The following ATP6V1E1 variants were observed in gnomAD, a reference collection of about 807,000 sequenced individuals.
ATP6V1E1 encodes the protein ATPase H+ transporting V1 subunit E1.
ATP6V1E1 carries 21 observed loss-of-function variants against 35.2 expected under a neutral mutation model. That is an observed-to-expected ratio of 0.60 (90% CI 0.42 to 0.86). The LOEUF (loss-of-function observed/expected upper bound fraction) is 0.86. ATP6V1E1 is among the 40% of genes least tolerant of loss of function. The pLI, the probability that ATP6V1E1 is intolerant of heterozygous loss-of-function variation, is 0.00. For missense variants in ATP6V1E1, 183 were observed against 272.6 expected (o/e 0.67, Z 2.32); for synonymous variants, 83 against 87.8 (o/e 0.95, Z 0.30).
intron 1 of ATP6V1E1, 38 bp downstream of exon 1, chr22:17,628,565 G>A (rs1375683853): frequency 6.2e-7 from 1 of 1,613,726 alleles, no homozygotes; most frequent in African/African-American, 1.3e-5. Context: ...CCCCGGGACT[G>A]CCGCCGCGGC....
At chr22:17,619,280 G>A (rs1469259749) in intron 2 of ATP6V1E1, among the ~76,000 whole-genome samples, 181 bp downstream of exon 2, 3 of 150,326 alleles carry the variant, frequency 2.0e-5, no homozygotes, top group Non-Finnish European at 3.0e-5. Flanking sequence ...CGACAAGAGT[G>A]AAACTCGGTC....
At chr22:17,600,574 A>T (rs956166700) in intron 5 of ATP6V1E1, 2 of 155,062 alleles carry the variant, frequency 1.3e-5, no homozygotes, top group Non-Finnish European at 2.9e-5. Flanking sequence ...GGAAAGATCT[A>T]TCTATCCCAA....
At chr22:17,621,191 CTTG>C (rs547904611) in intron 1 of ATP6V1E1, among the ~76,000 whole-genome samples, 386 of 152,194 alleles carry the variant, frequency 2.5e-3, no homozygotes, top group African/African-American at 8.9e-3. Flanking sequence ...TGCCGCTATT[CTTG>C]TTGTTTCTAA....
At chr22:17,626,542 T>A (rs1003549835) in intron 1 of ATP6V1E1, among the ~76,000 whole-genome samples, 23 of 128,694 alleles carry the variant, frequency 1.8e-4, no homozygotes, top group African/African-American at 7.1e-4. Flanking sequence ...CACCTGGCAA[T>A]TTTTTTTTTT....
chr22:17,619,483 T>C lies in ATP6V1E1; in HGVS notation c.77A>G (p.Lys26Arg). The C allele has an allele frequency of 6.2e-7, 1 of 1,605,966 alleles. No individual in the cohort carries two copies. Among genetic ancestry groups the C allele is most frequent in the Non-Finnish European group, 8.5e-7 (1 of 1,176,744 alleles). Residue 26 changes from lysine (K) to arginine (R), a missense_variant, in exon 2 of 9, where the codon AAA becomes AGA. Coordinates refer to ENST00000253413, the MANE Select transcript of ATP6V1E1 (RefSeq NM_001696.4). Reference sequence around the variant, plus strand: ...CACCTTTGCATCTATTTCTTCTGCTTTCTCATTGGCTTCTTGTTCAATGAA... The same window carrying C: ...CACCTTTGCATCTATTTCTTCTGCTCTCTCATTGGCTTCTTGTTCAATGAA... The part of the protein sequence containing the change: ...MAFIEQEANE[K>R]AEEIDAKAEE...
chr22:17,616,777 G>A (rs2057847920), intron 2 of ATP6V1E1, among the ~76,000 whole-genome samples: 4 of 65,214 alleles, frequency 6.1e-5, no homozygotes, highest in South Asian at 3.1e-4. Flanking sequence ...GGCCAGGCGC[G>A]GTGGCTCAAG....
chr22:17,628,448 G>T (rs1651864191), intron 1 of ATP6V1E1, among the ~76,000 whole-genome samples, 155 bp downstream of exon 1: 1 of 152,250 alleles, frequency 6.6e-6, no homozygotes. Context: ...GCAAATCTCC[G>T]TCCTCAGGCC....
intron 1 of ATP6V1E1, among the ~76,000 whole-genome samples, chr22:17,623,475 A>T (rs2057888265): frequency 6.6e-6 from 1 of 152,142 alleles, no homozygotes; most frequent in East Asian, 1.9e-4. Flanking sequence ...GTTCAAGACC[A>T]GCCTGACCAA....
chr22:17,611,517 G>C (rs2057815322), intron 4 of ATP6V1E1, among the ~76,000 whole-genome samples: 1 of 152,150 alleles, frequency 6.6e-6, no homozygotes, highest in African/African-American at 2.4e-5. Flanking sequence ...CATCCTCACT[G>C]ACACTTACAT....
At chr22:17,608,808 C>T (rs1025139269) in intron 4 of ATP6V1E1, among the ~76,000 whole-genome samples, 6 of 152,144 alleles carry the variant, frequency 3.9e-5, no homozygotes, top group Non-Finnish European at 8.8e-5. Context: ...ATTCATTGGC[C>T]GGGAGCAGTG....
chr22:17,618,995 C>T (rs533031053), intron 2 of ATP6V1E1: 1 of 451,830 alleles, frequency 2.2e-6, no homozygotes, highest in Admixed American at 2.4e-5. Flanking sequence ...GCGAGACTGT[C>T]TCAAAATGAA....
intron 4 of ATP6V1E1, among the ~76,000 whole-genome samples, chr22:17,609,459 CTG>C: frequency 7.1e-6 from 1 of 141,148 alleles, no homozygotes; most frequent in Non-Finnish European, 1.5e-5. Context: ...CATGCCCATC[CTG>C]CTCTTTTTTT....
chr22:17,621,751 G>A (rs1318048878), intron 1 of ATP6V1E1, among the ~76,000 whole-genome samples: 1 of 152,050 alleles, frequency 6.6e-6, no homozygotes, highest in Non-Finnish European at 1.5e-5. Flanking sequence ...CCTTCCATTT[G>A]GAACATTCTT....
chr22:17,604,326 CAT>C (rs2057774954), intron 4 of ATP6V1E1, among the ~76,000 whole-genome samples: 1 of 152,190 alleles, frequency 6.6e-6, no homozygotes, highest in Admixed American at 6.5e-5. Context: ...CTGCAGTTCA[CAT>C]GTGGGCTTAT....
intron 2 of ATP6V1E1, among the ~76,000 whole-genome samples, chr22:17,617,252 A>G (rs186183942): frequency 3.7e-4 from 57 of 152,324 alleles, no homozygotes; most frequent in African/African-American, 1.3e-3. Flanking sequence ...CTAAAAGGAC[A>G]ATGAAAATAT....
chr22:17,598,546 C>T (rs1049420270), intron 6 of ATP6V1E1, among the ~76,000 whole-genome samples: 2 of 152,080 alleles, frequency 1.3e-5, no homozygotes. Flanking sequence ...GCAGTTATTA[C>T]ATTTGAAACA....
chr22:17,597,291 T>C (rs1314063197), intron 7 of ATP6V1E1, among the ~76,000 whole-genome samples: 1 of 150,254 alleles, frequency 6.7e-6, no homozygotes, highest in East Asian at 1.9e-4. Context: ...TGTTAGTCAG[T>C]AGTGTGGCTA....
At position 17,594,472 on chromosome 22, in the gene ATP6V1E1, T is replaced by C. The variant is rs548401924; in HGVS notation, c.618+57A>G. On this transcript the variant is annotated intron_variant, in intron 8 of 8. Transcript: ENST00000253413. The stretch of plus-strand genomic sequence containing the variant: ...AATACCAGTGAATGGACACGTGTTC[T>C]CTGTCCCACTTCAAAGTAACAGCAG... 18 of 1,323,176 alleles carry C rather than the reference T, an allele frequency of 1.4e-5. No individual in the cohort carries two copies. In the Admixed American group the frequency reaches 2.0e-4, roughly 15 times the overall value. 82.0% of individuals were successfully genotyped at this position (1,323,176 alleles called of 1,614,324 possible).
At chr22:17,611,144 T>C (rs1007444484) in intron 4 of ATP6V1E1, among the ~76,000 whole-genome samples, 1 of 152,208 alleles carries the variant, frequency 6.6e-6, no homozygotes, top group African/African-American at 2.4e-5. Flanking sequence ...TAAAAGCCTG[T>C]TATAAATTAA....
Sources: gnomAD v4.1 joint callset for allele counts (sites outside exome capture counted in the v4.1 genomes callset) on GRCh38, gnomAD v4.1.1 for gene constraint, MANE v1.5 for transcripts, NCBI Gene and HGNC (gene_info 2026-07-23, HGNC 2026-07-21) for gene names.